FBXO15: variants seen among roughly 807,000 people sequenced by gnomAD.
The protein encoded by FBXO15 is F-box protein 15.
In FBXO15, 30 loss-of-function variants were observed where a neutral mutation model predicts 49.5. The ratio of observed to expected loss-of-function variants is 0.61; its 90% confidence interval spans 0.45 to 0.82. The LOEUF is 0.82. Ranked by LOEUF, FBXO15 falls within the 40% of genes least tolerant of loss-of-function variation. FBXO15 has a pLI of 0.00. For synonymous variants in FBXO15, 250 were observed against 232.7 expected, an observed-to-expected ratio of 1.07 and a Z score of -0.68; for missense variants, 591 against 631.5, an observed-to-expected ratio of 0.94 and a Z score of 0.69.
intron 8 of FBXO15, among the ~76,000 whole-genome samples, chr18:74,106,581 AATTG>A (rs1199017243): frequency 1.3e-5 from 2 of 152,174 alleles, no homozygotes; most frequent in Non-Finnish European, 2.9e-5. Context: ...ACACTGTGGT[AATTG>A]ATTAAGGTTA....
At chr18:74,118,825 GT>G (rs1322903490) in intron 8 of FBXO15, among the ~76,000 whole-genome samples, 1 of 152,156 alleles carries the variant, frequency 6.6e-6, no homozygotes, top group Admixed American at 6.5e-5. Context: ...CCTACCCTAG[GT>G]ACAAAAGTAG....
intron 8 of FBXO15, among the ~76,000 whole-genome samples, chr18:74,093,985 T>G (rs1913167657): frequency 6.6e-6 from 1 of 152,234 alleles, no homozygotes; most frequent in South Asian, 2.1e-4. Context: ...ATAAAATGTA[T>G]TGCTTAAATA....
At chr18:74,077,262 T>G (rs1912292865) in intron 9 of FBXO15, among the ~76,000 whole-genome samples, 1 of 152,120 alleles carries the variant, frequency 6.6e-6, no homozygotes. Flanking sequence ...GTAAGAGTAG[T>G]GATGGAGGTG....
intron 8 of FBXO15, among the ~76,000 whole-genome samples, chr18:74,102,020 T>C (rs774783400): frequency 4.7e-4 from 72 of 151,968 alleles, no homozygotes; most frequent in Non-Finnish European, 7.4e-4. Context: ...CTCTAGAAGA[T>C]AACACTGGAA....
At chr18:74,083,364 GGAAGTGTAT>G (rs1487592127) in intron 8 of FBXO15, among the ~76,000 whole-genome samples, 2 of 152,232 alleles carry the variant, frequency 1.3e-5, no homozygotes, top group African/African-American at 4.8e-5. Flanking sequence ...GAAGCAGGGA[GGAAGTGTAT>G]GAAAAGCGAG....
At chr18:74,080,347 C>T (rs1469756296) in intron 9 of FBXO15, among the ~76,000 whole-genome samples, 1 of 152,148 alleles carries the variant, frequency 6.6e-6, no homozygotes, top group African/African-American at 2.4e-5. Context: ...AGAAAATAAA[C>T]CACATCTACC....
intron 6 of FBXO15, 98 bp downstream of exon 6, chr18:74,125,877 G>C (rs1254818754): frequency 2.0e-6 from 3 of 1,491,464 alleles, no homozygotes; most frequent in Non-Finnish European, 2.7e-6. Context: ...TTAGTGAAAA[G>C]CTTAAAGGAT....
intron 8 of FBXO15, among the ~76,000 whole-genome samples, chr18:74,118,573 C>T (rs1364310426): frequency 1.3e-5 from 2 of 151,878 alleles, no homozygotes; most frequent in East Asian, 1.9e-4. Flanking sequence ...AAAGACTGTA[C>T]AGGAGTTCTC....
intron 9 of FBXO15, among the ~76,000 whole-genome samples, chr18:74,079,863 C>T (rs775013280): frequency 1.3e-5 from 2 of 152,200 alleles, no homozygotes; most frequent in Non-Finnish European, 2.9e-5. Context: ...CTGCACATCA[C>T]TTCAACCAAC....
intron 8 of FBXO15, among the ~76,000 whole-genome samples, chr18:74,086,794 T>C (rs79205432): frequency 0.05 from 7,568 of 152,256 alleles, 268 homozygotes; most frequent in East Asian, 0.12. Flanking sequence ...TAACAAAATA[T>C]GGAAACATAA....
intron 8 of FBXO15, among the ~76,000 whole-genome samples, chr18:74,089,780 G>A (rs1912937037): frequency 6.6e-6 from 1 of 152,160 alleles, no homozygotes. Context: ...CTTGATCATG[G>A]TGGATTAGCT....
At chr18:74,100,484 T>G (rs182972206) in intron 8 of FBXO15, among the ~76,000 whole-genome samples, 8 of 151,564 alleles carry the variant, frequency 5.3e-5, no homozygotes, top group African/African-American at 1.9e-4. Flanking sequence ...AAATAGACAA[T>G]CTAAGGTCAT....
chr18:74,087,699 G>T (rs1912808370), intron 8 of FBXO15, among the ~76,000 whole-genome samples: 1 of 152,160 alleles, frequency 6.6e-6, no homozygotes, highest in Non-Finnish European at 1.5e-5. Context: ...CTTCATGGTA[G>T]AATAACTTAT....
At chr18:74,121,994 T>C (rs185843256) in intron 8 of FBXO15, among the ~76,000 whole-genome samples, 124 of 152,332 alleles carry the variant, frequency 8.1e-4, no homozygotes, top group African/African-American at 2.9e-3. Context: ...TATGGCCAAC[T>C]GGAGTTTTCA....
intron 3 of FBXO15, among the ~76,000 whole-genome samples, chr18:74,135,480 G>C (rs1978660151): frequency 6.6e-6 from 1 of 152,172 alleles, no homozygotes; most frequent in African/African-American, 2.4e-5. Context: ...ATTCTGTGGG[G>C]AATACAGCGA....
intron 2 of FBXO15, 65 bp from the exon 3 acceptor site, chr18:74,135,931 C>T: frequency 1.5e-6 from 2 of 1,334,616 alleles, no homozygotes; most frequent in African/African-American, 1.5e-5. Flanking sequence ...TGCAGATTAC[C>T]CAGAAAACAA....
At position 74,073,703 on chromosome 18, in the gene FBXO15, A is replaced by G. The variant is rs1912136290; in HGVS notation, c.1291T>C (p.Leu431=). 1 of 1,613,786 alleles carries G rather than the reference A, an allele frequency of 6.2e-7. No homozygotes were observed. Among genetic ancestry groups the G allele is most frequent in the Admixed American group, 1.7e-5 (1 of 59,976 alleles). ...CAAAAGGGTTTCCCATGTTCATCCA[A>G]AAGAGTTACGTCCATCATGGAACAA... ...KSCSMMDVTL[L]DEHGKPFWCF... Residue 431 remains leucine, a synonymous_variant, in exon 10 of 10, where the codon TTG becomes CTG. Transcript: ENST00000419743.
intron 8 of FBXO15, among the ~76,000 whole-genome samples, chr18:74,100,278 C>A (rs865977309): frequency 6.6e-6 from 1 of 152,116 alleles, no homozygotes; most frequent in Non-Finnish European, 1.5e-5. Flanking sequence ...CAAAGCCACA[C>A]AAATACATGG....
intron 8 of FBXO15, among the ~76,000 whole-genome samples, chr18:74,107,205 A>ACAAC (rs1555677737): frequency 0.033 from 5,014 of 151,152 alleles, 272 homozygotes; most frequent in African/African-American, 0.11. Flanking sequence ...AAAAAAAAAA[A>ACAAC]AACAACAAAT....
Sources: gnomAD v4.1 joint callset for allele counts (sites outside exome capture counted in the v4.1 genomes callset) on GRCh38, gnomAD v4.1.1 for gene constraint, MANE v1.5 for transcripts, NCBI Gene and HGNC (gene_info 2026-07-23, HGNC 2026-07-21) for gene names.